The following LSM1 variants were observed in gnomAD, a reference collection of about 807,000 sequenced individuals.
LSM1 encodes the protein LSM1 homolog, mRNA degradation associated.
In LSM1, 13 loss-of-function variants were observed where a neutral mutation model predicts 18.0. The ratio of observed to expected loss-of-function variants is 0.72; its 90% CI spans 0.47 to 1.15. The LOEUF (loss-of-function observed/expected upper bound fraction) is 1.15, where lower values mean the gene tolerates loss of function less well. Ranked by LOEUF, LSM1 falls within the 50% of genes most tolerant of loss-of-function variation. The probability of loss-of-function intolerance (pLI) is 0.00; values close to 1 mark genes in which losing one functional copy is unlikely to be tolerated. For missense variants in LSM1, 152 were observed against 157.7 expected (o/e 0.96, Z 0.19); for synonymous variants, 46 against 56.0 (o/e 0.82, Z 0.80).
intron 1 of LSM1, among the ~76,000 whole-genome samples, chr8:38,172,781 G>T (rs1563275801): frequency 6.6e-6 from 1 of 152,078 alleles, no homozygotes. Context: ...AACCATAGAA[G>T]GCTTTAAATA....
Position 38,172,040 on chromosome 8 carries a change from A to C in LSM1, c.47-7T>G. The C allele has an allele frequency of 3.7e-6, 6 of 1,601,896 alleles. No homozygotes were observed. Among genetic ancestry groups the C allele is most frequent in the Non-Finnish European group, 5.1e-6 (6 of 1,173,446 alleles). On this transcript the variant is annotated splice_polypyrimidine_tract_variant and splice_region_variant and intron_variant, in intron 1 of 3. Coordinates refer to ENST00000311351, the MANE Select transcript of LSM1 (RefSeq NM_014462.3). The stretch of plus-strand genomic sequence containing the variant: ...AGCAGAACCAAGTGCTTTTCTGGGG[A>C]GAGAGGAAAAAATCTTTTAAATGAA...
At chr8:38,168,524 G>A (rs1451660402) in intron 3 of LSM1, among the ~76,000 whole-genome samples, 1 of 149,022 alleles carries the variant, frequency 6.7e-6, no homozygotes, top group Non-Finnish European at 1.5e-5. Flanking sequence ...CTGGGAGGCG[G>A]AAGTTGCAGT....
chr8:38,164,197 G>A (rs1472935930), intron 3 of LSM1, among the ~76,000 whole-genome samples: 1 of 152,146 alleles, frequency 6.6e-6, no homozygotes, highest in Non-Finnish European at 1.5e-5. Flanking sequence ...TGTGATTACA[G>A]GCACGTGCCA....
chr8:38,168,591 C>A (rs201982291), intron 3 of LSM1, among the ~76,000 whole-genome samples: 19,772 of 100,092 alleles, frequency 0.2, 1,685 homozygotes, highest in East Asian at 0.34. Flanking sequence ...AACTCTGTCC[C>A]AAAAAAAAAA....
chr8:38,169,701 T>A, intron 3 of LSM1, 101 bp downstream of exon 3: 3 of 674,798 alleles, frequency 4.4e-6, no homozygotes, highest in East Asian at 2.8e-5. Context: ...AGAAGCCAGA[T>A]AAATGTGGAG....
At position 38,176,456 on chromosome 8, in the gene LSM1, T is replaced by C; in HGVS notation, c.-136A>G. ...CCGAGACCAGCACTTCTGCCCCGGCTTTCAGCCGCCGGGGGCTGCCGGAAG... is the reference window on the plus strand; with the variant it reads ...CCGAGACCAGCACTTCTGCCCCGGCCTTCAGCCGCCGGGGGCTGCCGGAAG... On this transcript the variant is annotated 5_prime_UTR_variant, in exon 1 of 4. Transcript: ENST00000311351. The C allele has an allele frequency of 1.4e-6, 1 of 691,928 alleles. No homozygotes were observed. The highest frequency in any genetic ancestry group is 2.7e-5 in the East Asian group (1 of 36,498). 42.9% of individuals were successfully genotyped at this position (691,928 alleles called of 1,614,324 possible).
chr8:38,173,129 C>T (rs999781028), intron 1 of LSM1, among the ~76,000 whole-genome samples: 4 of 152,142 alleles, frequency 2.6e-5, no homozygotes, highest in South Asian at 4.1e-4. Context: ...CAGTTACTAG[C>T]GCACCCAGCA....
intron 3 of LSM1, among the ~76,000 whole-genome samples, chr8:38,165,046 T>A (rs529135412): frequency 7.4e-4 from 112 of 152,218 alleles, no homozygotes; most frequent in Non-Finnish European, 1.4e-3. Flanking sequence ...TTTTCTCCAC[T>A]ATTTAAAAAA....
At chr8:38,170,685 G>A (rs577693304) in intron 2 of LSM1, among the ~76,000 whole-genome samples, 28 of 152,214 alleles carry the variant, frequency 1.8e-4, no homozygotes, top group African/African-American at 6.5e-4. Flanking sequence ...TTGACCCAAC[G>A]CAGGTATCCA....
At position 38,163,349 on chromosome 8, in the gene LSM1, C is replaced by G; in HGVS notation, c.*321G>C. On this transcript the variant is annotated 3_prime_UTR_variant, in exon 4 of 4. Coordinates refer to ENST00000311351, the MANE Select transcript of LSM1 (RefSeq NM_014462.3). ...GAAATAACATGACACTTTTGAGATT[C>G]ATATTTTATTTACAAGTAAATGAAG... 1 of 209,656 alleles carries G rather than the reference C, an allele frequency of 4.8e-6. No individual in the cohort carries two copies. Among genetic ancestry groups the G allele is most frequent in the Non-Finnish European group, 9.7e-6 (1 of 103,424 alleles). The allele number at this position is 209,656 out of a possible 1,614,324, so 13.0% of individuals were successfully genotyped here. A position where few individuals can be genotyped will look rare whatever the true frequency, so the allele number is the denominator to read the frequency against.
chr8:38,176,057 C>G, intron 1 of LSM1: 1 of 479,214 alleles, frequency 2.1e-6, no homozygotes, highest in Non-Finnish European at 3.7e-6. Context: ...AGCTAGAGGG[C>G]TGGCGGAGGC....
rs767357184 is a variant in LSM1 at position 38,176,333 on chromosome 8, T to C, written c.-13A>G. ...GCATATAGTTCATTTTGAACTGAAA[T>C]AATGCTGCAATGCACAGCGGCGGGA... is the stretch of plus-strand genomic sequence containing the variant. On this transcript the variant is annotated 5_prime_UTR_variant, in exon 1 of 4. Coordinates refer to ENST00000311351, the MANE Select transcript of LSM1 (RefSeq NM_014462.3). 6.2e-7 allele frequency: 1 copy of C among 1,609,924 alleles called. No individual in the cohort carries two copies. The highest frequency in any genetic ancestry group is 1.7e-5 in the Admixed American group (1 of 59,716).
chr8:38,176,090 A>C, intron 1 of LSM1, 185 bp downstream of exon 1: 2 of 500,198 alleles, frequency 4.0e-6, no homozygotes, highest in South Asian at 2.9e-5. Flanking sequence ...AAGTAGCAGC[A>C]GGCTACTGGG....
intron 2 of LSM1, among the ~76,000 whole-genome samples, chr8:38,171,611 G>A (rs1239254820): frequency 6.6e-6 from 1 of 152,194 alleles, no homozygotes; most frequent in Admixed American, 6.5e-5. Flanking sequence ...AGGTTGCAGT[G>A]AGCCAAGATT....
intron 1 of LSM1, among the ~76,000 whole-genome samples, chr8:38,173,379 G>C (rs977423863): frequency 1.3e-5 from 2 of 151,970 alleles, no homozygotes; most frequent in East Asian, 1.9e-4. Context: ...AAGGGGGCGG[G>C]GGGGGAGAAG....
At chr8:38,163,938 T>C (rs1802884126) in intron 3 of LSM1, 98 bp from the exon 4 acceptor site, 3 of 1,079,428 alleles carry the variant, frequency 2.8e-6, no homozygotes, top group African/African-American at 1.6e-5. Context: ...TCAGATTATT[T>C]TTCATAACTG....
In LSM1 at chr8:38,163,505, C is replaced by A. The variant is rs192741212; in HGVS notation, c.*165G>T. 5 of 562,776 alleles carry A rather than the reference C, an allele frequency of 8.9e-6. No individual in the cohort carries two copies. Among genetic ancestry groups the A allele is most frequent in the Non-Finnish European group, 1.2e-5 (4 of 331,248 alleles). The allele number at this position is 562,776 out of a possible 1,614,324, so 34.9% of individuals were successfully genotyped here. On this transcript the variant is annotated 3_prime_UTR_variant, in exon 4 of 4. Transcript: ENST00000311351. ...AGTGATTTTGTTATTAAAAAAAAAA[C>A]CCACCTACACGATTTCTTCATGTTG...
intron 3 of LSM1, chr8:38,166,019 T>A (rs1802922363): frequency 6.6e-6 from 1 of 152,418 alleles, no homozygotes; most frequent in South Asian, 2.1e-4. Flanking sequence ...TTTAAAGATA[T>A]AGAAGACTTC....
rs141117467 is a variant in LSM1 at position 38,167,901 on chromosome 8, G to A, written c.231+1901C>T. The stretch of plus-strand genomic sequence containing the variant: ...CCATCTCTGGAAGAAAAAAAATACT[G>A]GCAGACTACTTTACAGTCATGTAGT... On this transcript the variant is annotated intron_variant, in intron 3 of 3. Coordinates refer to ENST00000311351, the MANE Select transcript of LSM1 (RefSeq NM_014462.3). 1.2e-3 allele frequency among the ~76,000 whole-genome samples: 176 copies of A among 151,854 alleles called. 1 individual carries two copies. The highest frequency in any genetic ancestry group is 3.6e-3 in the African/African-American group (150 of 41,442).
Sources: allele counts gnomAD v4.1 joint callset (sites outside exome capture counted in the v4.1 genomes callset), GRCh38; gene constraint gnomAD v4.1.1; transcripts MANE v1.5; gene names NCBI Gene and HGNC (gene_info 2026-07-23, HGNC 2026-07-21).